Variants in ATAD2B observed in about 807,000 individuals in gnomAD.
ATAD2B encodes ATPase family AAA domain-containing protein 2B.
ATAD2B carries 40 observed loss-of-function variants against 167.6 expected under a neutral mutation model. The observed-to-expected ratio is 0.24, with a 90% CI of 0.19 to 0.31. The LOEUF (loss-of-function observed/expected upper bound fraction) is 0.31, where lower values mean the gene tolerates loss of function less well. Ranked by LOEUF, ATAD2B falls within the 10% of genes least tolerant of loss-of-function variation. The probability of loss-of-function intolerance (pLI) is 1.00; values close to 1 mark genes in which losing one functional copy is unlikely to be tolerated. For synonymous variants in ATAD2B, 579 were observed against 596.5 expected (o/e 0.97, Z 0.43); for missense variants, 1,242 against 1,757.2 (o/e 0.71, Z 5.24).
At chr2:23,798,647 A>G (rs10174775) in intron 18 of ATAD2B, among the ~76,000 whole-genome samples, 245 of 152,334 alleles carry the variant, frequency 1.6e-3, no homozygotes, top group African/African-American at 5.7e-3. Context: ...GCAAAACACC[A>G]CTGTAAAATA....
chr2:23,754,184 C>T lies in ATAD2B; in HGVS notation c.4330G>A (p.Val1444Ile), dbSNP rs1353716586. 5 of 1,531,192 alleles carry T rather than the reference C, an allele frequency of 3.3e-6. No individual in the cohort carries two copies. Among genetic ancestry groups the T allele is most frequent in the East Asian group, 4.8e-5 (2 of 41,256 alleles). 94.9% of individuals were successfully genotyped at this position (1,531,192 alleles called of 1,614,324 possible). ...CAGATAAACTAAACACTTACCTCTA[C>T]AAGTTGTGATTTGTCATAATCTTTA... ...HRKDYDKSQLVEEMERTVHMF... is the reference protein window; with the variant it reads ...HRKDYDKSQLIEEMERTVHMF... Residue 1444 changes from valine (V) to isoleucine (I), a missense_variant, in exon 27 of 28, where the codon GTA becomes ATA. This residue lies in a region of ATAD2B where 282 missense variants were observed against 346.8 expected (regional missense o/e 0.81). Transcript: ENST00000238789.
At chr2:23,717,168 A>G in the ATAD2B span, among the ~76,000 whole-genome samples, 1 of 152,226 alleles carries the variant, frequency 6.6e-6, no homozygotes, top group Non-Finnish European at 1.5e-5. Context: ...GGAACATGCC[A>G]TTAATACCTA....
intron 22 of ATAD2B, among the ~76,000 whole-genome samples, chr2:23,776,772 T>C (rs1348479796): frequency 6.6e-6 from 1 of 152,174 alleles, no homozygotes; most frequent in Non-Finnish European, 1.5e-5. Context: ...GATTGCCACC[T>C]CTATGGTATC....
intron 17 of ATAD2B, among the ~76,000 whole-genome samples, chr2:23,810,970 C>T (rs1685484480): frequency 1.3e-5 from 2 of 152,070 alleles, no homozygotes; most frequent in Admixed American, 6.6e-5. Context: ...GAGATCACAC[C>T]ACTGCACTCC....
chr2:23,839,610 T>A (rs760452202), intron 13 of ATAD2B, among the ~76,000 whole-genome samples: 2 of 152,124 alleles, frequency 1.3e-5, no homozygotes, highest in Non-Finnish European at 2.9e-5. Context: ...TAATATATTA[T>A]CCTTTTTATA....
At chr2:23,682,444 T>C in the ATAD2B span, among the ~76,000 whole-genome samples, 1 of 152,296 alleles carries the variant, frequency 6.6e-6, no homozygotes, top group Non-Finnish European at 1.5e-5. This position sits in a 1 kb window ranked among gnomAD's most constrained non-coding sequence, Gnocchi z 4.1. Flanking sequence ...TTGCCTCCCA[T>C]TGGCCTCCCA....
rs577340731 is a variant in ATAD2B, at chr2:23,916,611, A to G, written c.216+9944T>C. The stretch of plus-strand genomic sequence containing the variant: ...TGGCACATAAGAATAATTCCCTCTA[A>G]CCATAGGTTTCTGCCAAATCTCTAA... On this transcript the variant is annotated intron_variant, in intron 1 of 27. Transcript: ENST00000238789. Among the ~76,000 whole-genome samples the G allele has an allele frequency of 6.0e-4, 92 of 152,250 alleles. 1 individual carries two copies. In the South Asian group the frequency reaches 0.019, roughly 31 times the overall value.
In ATAD2B at chr2:23,823,409, G is replaced by A. The variant is rs375673963; in HGVS notation, c.1980C>T (p.Ile660=). 254 of 1,613,834 alleles carry A rather than the reference G, an allele frequency of 1.6e-4. No individual in the cohort carries two copies. Among genetic ancestry groups the A allele is most frequent in the Admixed American group, 6.2e-4 (37 of 59,998 alleles). Reference sequence around the variant, plus strand: ...TCACAGCACGTTGGGAAGCAGGCACGATATTCTGCATTGCATGGTAAAAAT... The same window carrying A: ...TCACAGCACGTTGGGAAGCAGGCACAATATTCTGCATTGCATGGTAAAAAT... ...AQDFYHAMQN[I]VPASQRAVMS... The change falls in exon 16 of 28, where the codon ATC becomes ATT. Residue 660 remains isoleucine (I), a synonymous_variant. Transcript: ENST00000238789.
In ATAD2B at chr2:23,926,603, G is replaced by C. The variant is rs1197716949; in HGVS notation, c.168C>G (p.Ala56=). 3.8e-6 allele frequency: 6 copies of C among 1,563,148 alleles called. No individual in the cohort carries two copies. The highest frequency in any genetic ancestry group is 5.2e-6 in the Non-Finnish European group (6 of 1,155,564). Residue 56 remains alanine (A), a synonymous_variant, in exon 1 of 28, where the codon GCC becomes GCG. Transcript: ENST00000238789. ...CGGCGCCACCGCTTCCCCCGGCTTT[G>C]GCGGCGGGGCAGCTGGCGGCGCGGG... ...SKTRAASCPA[A]KAGGSGGAGV... is the part of the protein sequence containing the mutation.
chr2:23,885,626 C>G (rs1482530685), intron 5 of ATAD2B, 101 bp downstream of exon 5: 12 of 636,262 alleles, frequency 1.9e-5, no homozygotes, highest in Non-Finnish European at 2.9e-5. Context: ...CGAAGGAACA[C>G]TCATGCTAAT....
At chr2:23,684,277 G>T in the ATAD2B span, 2 of 719,478 alleles carry the variant, frequency 2.8e-6, no homozygotes, top group Non-Finnish European at 2.0e-6. This position sits in a 1 kb window ranked among gnomAD's most constrained non-coding sequence, Gnocchi z 4.4. Context: ...GTCTTGCCAA[G>T]AAACAATATC....
intron 13 of ATAD2B, among the ~76,000 whole-genome samples, chr2:23,851,274 T>G (rs1692520542): frequency 6.6e-6 from 1 of 152,058 alleles, no homozygotes; most frequent in South Asian, 2.1e-4. Context: ...GCCTCCCAAG[T>G]AGCTAGGACG....
intron 22 of ATAD2B, among the ~76,000 whole-genome samples, chr2:23,780,267 T>TTGTGTGTGTGTGTGTGTG (rs67788174): frequency 6.9e-6 from 1 of 143,998 alleles, no homozygotes; most frequent in African/African-American, 2.6e-5. Context: ...AAGTATATAC[T>TTGTGTGTGTGTGTGTGTG]TGTGTGTGTG....
chr2:23,687,797 AG>A, the ATAD2B span, among the ~76,000 whole-genome samples: 1 of 152,140 alleles, frequency 6.6e-6, no homozygotes, highest in African/African-American at 2.4e-5. Context: ...ACGTTGCTGC[AG>A]GGCCGGGTAT....
rs538457363 is a variant in ATAD2B at position 23,781,607 on chromosome 2, G to C, written c.3133+1262C>G. On this transcript the variant is annotated intron_variant, in intron 22 of 27. Transcript: ENST00000238789. Reference sequence around the variant, plus strand: ...TTGAACCCAGGAGGCGGAGGTTGCAGTAAGCTGAGATCATGCCACTGTACT... The same window carrying C: ...TTGAACCCAGGAGGCGGAGGTTGCACTAAGCTGAGATCATGCCACTGTACT... Among the ~76,000 whole-genome samples, 378 of 152,084 alleles carry C rather than the reference G, an allele frequency of 2.5e-3. 9 individuals are homozygous for C. The highest frequency in any genetic ancestry group is 0.023 in the Admixed American group (354 of 15,288).
chr2:23,795,804 G>C (rs888297873), intron 19 of ATAD2B, among the ~76,000 whole-genome samples: 1 of 151,856 alleles, frequency 6.6e-6, no homozygotes, highest in Non-Finnish European at 1.5e-5. Context: ...ACTTGAACCT[G>C]GGAGATGGTG....
At chr2:23,691,337 C>T in the ATAD2B span, 3 of 338,780 alleles carry the variant, frequency 8.9e-6, no homozygotes, top group Non-Finnish European at 1.7e-5. Flanking sequence ...GGTGGAGACA[C>T]CAGGGCCTGC....
chr2:23,863,458 A>T lies in ATAD2B; in HGVS notation c.1402T>A (p.Phe468Ile). Residue 468 changes from phenylalanine (F) to isoleucine (I), a missense_variant, in exon 12 of 28, where the codon TTT becomes ATT. Phe to Ile is a conservative substitution (Grantham distance 21). Coordinates refer to ENST00000238789, the MANE Select transcript of ATAD2B (RefSeq NM_017552.4). ...AAACAATCTGCTCCTTTTCGCATAA[A>T]AAAAGCCACTTTTTTGTCTCCTTGG... ...CSQGDKKVAF[F>I]MRKGADCLSK... 1 of 1,553,822 alleles carries T rather than the reference A, an allele frequency of 6.4e-7. No individual in the cohort carries two copies. The highest frequency in any genetic ancestry group is 8.7e-7 in the Non-Finnish European group (1 of 1,147,920).
the ATAD2B span, among the ~76,000 whole-genome samples, chr2:23,724,339 C>A: frequency 2.0e-5 from 3 of 152,094 alleles, no homozygotes; most frequent in African/African-American, 7.2e-5. Context: ...ATCTGATCAC[C>A]ATACATTGTA....
Sources: allele counts gnomAD v4.1 joint callset (sites outside exome capture counted in the v4.1 genomes callset), GRCh38; gene constraint gnomAD v4.1.1; regional missense constraint gnomAD v4.1.1; non-coding constraint Gnocchi (gnomAD v3.1); transcripts MANE v1.5; gene names NCBI Gene and HGNC (gene_info 2026-07-23, HGNC 2026-07-21).